The following NT5C3A variants were observed in gnomAD, a reference collection of about 807,000 sequenced individuals.
NT5C3A encodes cytosolic 5'-nucleotidase 3A.
Under a neutral mutation model 40.0 loss-of-function variants are expected in NT5C3A, and 23 were observed. The observed-to-expected ratio is 0.58, with a 90% CI of 0.41 to 0.81. NT5C3A has a LOEUF of 0.81. NT5C3A is among the 40% of genes least tolerant of loss of function. NT5C3A has a pLI of 0.00. For synonymous variants in NT5C3A, 130 were observed against 141.4 expected (o/e 0.92, Z 0.57); for missense variants, 328 against 403.0 (o/e 0.81, Z 1.59).
intron 7 of NT5C3A, 102 bp downstream of exon 7, chr7:33,017,337 A>C: frequency 1.1e-6 from 1 of 928,350 alleles, no homozygotes; most frequent in African/African-American, 1.7e-5. Flanking sequence ...GGCTTGGCCT[A>C]ATTTCTGGAT....
intron 1 of NT5C3A, among the ~76,000 whole-genome samples, chr7:33,031,022 C>G (rs1477690084): frequency 6.6e-6 from 1 of 151,396 alleles, no homozygotes; most frequent in African/African-American, 2.4e-5. Context: ...TGGCATGAAC[C>G]CCGGGGGGCG....
intron 1 of NT5C3A, chr7:33,036,334 C>A: frequency 3.2e-6 from 1 of 308,276 alleles, no homozygotes; most frequent in South Asian, 3.3e-5. Flanking sequence ...GAGTGAGAAC[C>A]CTGGCCCAGC....
chr7:33,062,378 G>A (rs528408040), intron 1 of NT5C3A, among the ~76,000 whole-genome samples, 190 bp downstream of exon 1: 32 of 152,324 alleles, frequency 2.1e-4, no homozygotes, highest in African/African-American at 7.7e-4. Context: ...CCAAGCCCGC[G>A]GAGTGGCCGC....
intron 5 of NT5C3A, 71 bp downstream of exon 5, chr7:33,021,201 G>C: frequency 6.3e-7 from 1 of 1,589,206 alleles, no homozygotes; most frequent in Non-Finnish European, 8.6e-7. Flanking sequence ...TAAAAAATAA[G>C]CCATCAGTTG....
intron 1 of NT5C3A, among the ~76,000 whole-genome samples, chr7:33,029,922 T>C (rs1043696779): frequency 2.6e-5 from 4 of 152,186 alleles, no homozygotes; most frequent in Admixed American, 2.0e-4. Context: ...GCTAAAGGCA[T>C]TGGTGGCTCC....
At chr7:33,021,466 A>G in intron 4 of NT5C3A, 109 bp from the exon 5 acceptor site, 1 of 1,342,296 alleles carries the variant, frequency 7.4e-7, no homozygotes, top group Non-Finnish European at 1.0e-6. Context: ...ACTGCTTTAA[A>G]AGTTGAGCTA....
At chr7:33,025,989 C>G (rs1363771234) in intron 2 of NT5C3A, among the ~76,000 whole-genome samples, 1 of 152,154 alleles carries the variant, frequency 6.6e-6, no homozygotes, top group Non-Finnish European at 1.5e-5. Flanking sequence ...AGTTTGAGAC[C>G]AGCCTGGCCA....
chr7:33,049,830 C>T (rs112670317), intron 1 of NT5C3A, among the ~76,000 whole-genome samples: 1,921 of 151,610 alleles, frequency 0.013, 29 homozygotes, highest in African/African-American at 0.04. Flanking sequence ...ATTAGCCAGG[C>T]GTGGTGGCAG....
At chr7:33,028,840 G>T (rs1370924239) in intron 1 of NT5C3A, among the ~76,000 whole-genome samples, 3 of 152,138 alleles carry the variant, frequency 2.0e-5, no homozygotes, top group Non-Finnish European at 2.9e-5. Context: ...CAGATCACGA[G>T]GTCAGGAGAT....
chr7:33,034,145 C>A (rs1786452161), intron 1 of NT5C3A, among the ~76,000 whole-genome samples: 1 of 152,032 alleles, frequency 6.6e-6, no homozygotes, highest in Admixed American at 6.6e-5. Context: ...CCCACCTCGG[C>A]CTCTCAAAGT....
At chr7:33,035,819 T>C (rs1786566306) in intron 1 of NT5C3A, 1 of 823,584 alleles carries the variant, frequency 1.2e-6, no homozygotes, top group Non-Finnish European at 2.1e-6. Context: ...TGTGATGCAC[T>C]GTGAAGAAAG....
intron 1 of NT5C3A, among the ~76,000 whole-genome samples, chr7:33,052,464 C>G (rs1349035398): frequency 9.4e-6 from 1 of 106,348 alleles, no homozygotes; most frequent in African/African-American, 3.8e-5. Context: ...CCAGCCTGGG[C>G]AACAGAGAGA....
chr7:33,042,762 T>C (rs1786981604), intron 1 of NT5C3A, among the ~76,000 whole-genome samples: 1 of 152,196 alleles, frequency 6.6e-6, no homozygotes, highest in Admixed American at 6.5e-5. Flanking sequence ...ATTTTGTGTC[T>C]AGAAATTTTT....
At chr7:33,060,869 GA>G (rs1787748358) in intron 1 of NT5C3A, among the ~76,000 whole-genome samples, 1 of 152,146 alleles carries the variant, frequency 6.6e-6, no homozygotes, top group Admixed American at 6.5e-5. Flanking sequence ...AAGTTAACAT[GA>G]AGCTCTTTTC....
chr7:33,046,697 C>A (rs1364646428), intron 1 of NT5C3A, among the ~76,000 whole-genome samples: 2 of 151,988 alleles, frequency 1.3e-5, no homozygotes, highest in Non-Finnish European at 2.9e-5. Context: ...ATAGGTAGGT[C>A]AGGTTCAAGA....
intron 1 of NT5C3A, among the ~76,000 whole-genome samples, chr7:33,043,265 C>T (rs570039254): frequency 1.3e-5 from 2 of 152,006 alleles, no homozygotes; most frequent in Non-Finnish European, 2.9e-5. Flanking sequence ...AGCAAGAGTC[C>T]AATTTGAGAA....
Position 33,024,069 on chromosome 7 carries a change from A to G in NT5C3A, c.277T>C (p.Tyr93His), listed in dbSNP as rs1562589533. The G allele has an allele frequency of 2.5e-6, 4 of 1,581,728 alleles. No homozygotes were observed. The highest frequency in any genetic ancestry group is 1.7e-5 in the Admixed American group (1 of 59,936). ...DFDMTLSRFS[Y>H]KGKRCPTCHN... ...CATGTTGGGCATCTTTTCCCTTTAT[A>G]TGAAAATCTACTGAGTGTCATATCA... Residue 93 changes from tyrosine to histidine, a missense_variant, in exon 3 of 9, where the codon TAT becomes CAT. Transcript: ENST00000610140.
intron 1 of NT5C3A, among the ~76,000 whole-genome samples, chr7:33,053,177 C>T (rs971977410): frequency 6.6e-6 from 1 of 152,086 alleles, no homozygotes; most frequent in Non-Finnish European, 1.5e-5. Context: ...TAACAAGACA[C>T]TGTCTGTTTT....
intron 1 of NT5C3A, among the ~76,000 whole-genome samples, chr7:33,060,592 G>A (rs552532134): frequency 1.3e-5 from 2 of 152,220 alleles, no homozygotes; most frequent in African/African-American, 4.8e-5. Context: ...GCATCATTTT[G>A]ACCAAGTCCC....
Sources: gnomAD v4.1 joint callset for allele counts (sites outside exome capture counted in the v4.1 genomes callset) on GRCh38, gnomAD v4.1.1 for gene constraint, MANE v1.5 for transcripts, NCBI Gene and HGNC (gene_info 2026-07-23, HGNC 2026-07-21) for gene names.